The following ARHGAP42 variants were observed in gnomAD, a reference collection of about 807,000 sequenced individuals.
The protein encoded by ARHGAP42 is rho GTPase-activating protein 42.
A neutral mutation model predicts 125.0 loss-of-function variants in ARHGAP42; 63 were observed. The observed-to-expected ratio is 0.50, with a 90% CI of 0.41 to 0.62. ARHGAP42 has a LOEUF of 0.62. Ranked by LOEUF, ARHGAP42 falls within the 20% of genes least tolerant of loss-of-function variation. The pLI is 0.00. For synonymous variants in ARHGAP42, 339 were observed against 351.0 expected (o/e 0.97, Z 0.38); for missense variants, 766 against 1,024.2 (o/e 0.75, Z 3.44).
intron 2 of ARHGAP42, among the ~76,000 whole-genome samples, chr11:100,779,539 CGTATATATATACATATACAT>C (rs1863233248): frequency 1.5e-5 from 2 of 130,172 alleles, no homozygotes; most frequent in Admixed American, 7.8e-5. Context: ...CGTATATATA[CGTATATATATACATATACAT>C]ACGTATATAT....
chr11:100,795,121 A>G lies in ARHGAP42; in HGVS notation c.267A>G (p.Glu89=). 1 of 1,547,266 alleles carries G rather than the reference A, an allele frequency of 6.5e-7. No homozygotes were observed. Among genetic ancestry groups the G allele is most frequent in the Non-Finnish European group, 8.7e-7 (1 of 1,145,260 alleles). Reference sequence around the variant, plus strand: ...TCCAAACAGCTCAGTCACTAAAAGAATTTGCAAGACTACTCATTGCAGTAG... The same window carrying G: ...TCCAAACAGCTCAGTCACTAAAAGAGTTTGCAAGACTACTCATTGCAGTAG... ...DEISIAQSLK[E]FARLLIAVEE... is the part of the protein sequence containing the mutation. The change falls in exon 3 of 24, where the codon GAA becomes GAG. Residue 89 remains glutamate, a synonymous_variant. Coordinates refer to ENST00000298815, the MANE Select transcript of ARHGAP42 (RefSeq NM_152432.4).
intron 3 of ARHGAP42, among the ~76,000 whole-genome samples, chr11:100,802,326 G>T (rs2135044955): frequency 6.6e-6 from 1 of 152,024 alleles, no homozygotes; most frequent in Admixed American, 6.5e-5. Flanking sequence ...TGTTTGTATT[G>T]AAATAGTGAA....
intron 2 of ARHGAP42, among the ~76,000 whole-genome samples, chr11:100,792,599 C>G (rs1565216015): frequency 6.6e-6 from 1 of 152,104 alleles, no homozygotes; most frequent in Non-Finnish European, 1.5e-5. Flanking sequence ...CCTGTTCTCT[C>G]GATAGTTAAA....
chr11:100,816,409 T>C (rs947161384), intron 3 of ARHGAP42, among the ~76,000 whole-genome samples: 2 of 152,148 alleles, frequency 1.3e-5, no homozygotes, highest in African/African-American at 4.8e-5. Context: ...GGTGGAGATA[T>C]GTGCTCTATA....
intron 1 of ARHGAP42, among the ~76,000 whole-genome samples, chr11:100,694,364 G>T (rs528121439): frequency 2.0e-5 from 3 of 152,264 alleles, no homozygotes; most frequent in Admixed American, 2.0e-4. Flanking sequence ...TTAAGTAAAT[G>T]ATATGCAACA....
intron 4 of ARHGAP42, among the ~76,000 whole-genome samples, chr11:100,874,696 T>C (rs975253233): frequency 1.3e-5 from 2 of 152,192 alleles, no homozygotes; most frequent in Non-Finnish European, 2.9e-5. Flanking sequence ...TCTGGAATTG[T>C]AATGTGTTTA....
chr11:100,850,541 T>C (rs568142352), intron 3 of ARHGAP42, among the ~76,000 whole-genome samples: 48 of 152,206 alleles, frequency 3.2e-4, no homozygotes, highest in Non-Finnish European at 6.0e-4. Context: ...GGTCATAATG[T>C]GGCTGTTATG....
intron 9 of ARHGAP42, among the ~76,000 whole-genome samples, chr11:100,942,604 A>G (rs1867914369): frequency 6.6e-6 from 1 of 152,160 alleles, no homozygotes; most frequent in African/African-American, 2.4e-5. Flanking sequence ...GTCCAGCCTT[A>G]TTTTAACAGA....
intron 3 of ARHGAP42, among the ~76,000 whole-genome samples, chr11:100,829,473 A>G (rs1325105338): frequency 6.6e-6 from 1 of 152,070 alleles, no homozygotes; most frequent in East Asian, 1.9e-4. Context: ...AACTGGACAC[A>G]CTGGCAGCTC....
chr11:100,823,052 A>G (rs923089207), intron 3 of ARHGAP42, among the ~76,000 whole-genome samples: 5 of 151,980 alleles, frequency 3.3e-5, no homozygotes, highest in Non-Finnish European at 7.4e-5. Flanking sequence ...TAGAATCTCC[A>G]ATTTTCCCAC....
At chr11:100,772,269 C>A (rs562567203) in intron 2 of ARHGAP42, among the ~76,000 whole-genome samples, 1 of 152,316 alleles carries the variant, frequency 6.6e-6, no homozygotes, top group Admixed American at 6.5e-5. Flanking sequence ...TGCCTGCATT[C>A]ACAAGAGCTC....
At chr11:100,797,046 C>A (rs577944537) in intron 3 of ARHGAP42, among the ~76,000 whole-genome samples, 2 of 152,270 alleles carry the variant, frequency 1.3e-5, no homozygotes, top group African/African-American at 4.8e-5. Flanking sequence ...GGATTACAGG[C>A]GTGAGCCACT....
At chr11:100,927,096 G>A (rs1867447435) in intron 6 of ARHGAP42, among the ~76,000 whole-genome samples, 1 of 152,068 alleles carries the variant, frequency 6.6e-6, no homozygotes, top group Admixed American at 6.6e-5. Flanking sequence ...AAGAAAATTT[G>A]CCTAATTTGC....
chr11:100,745,761 T>C (rs768794014), intron 1 of ARHGAP42, among the ~76,000 whole-genome samples: 2 of 152,238 alleles, frequency 1.3e-5, no homozygotes, highest in African/African-American at 2.4e-5. Flanking sequence ...ATCTGGCTAG[T>C]GGCCCCTAAT....
intron 16 of ARHGAP42, among the ~76,000 whole-genome samples, chr11:100,964,446 C>A (rs561507005): frequency 1.3e-5 from 2 of 152,276 alleles, no homozygotes; most frequent in African/African-American, 4.8e-5. Context: ...TGTCTCCATT[C>A]CAATTGCTAG....
intron 16 of ARHGAP42, among the ~76,000 whole-genome samples, chr11:100,965,385 G>A (rs899266849): frequency 6.6e-6 from 1 of 152,142 alleles, no homozygotes; most frequent in South Asian, 2.1e-4. Flanking sequence ...ACCCAAGCAG[G>A]TGATGAGTTT....
intron 4 of ARHGAP42, among the ~76,000 whole-genome samples, chr11:100,898,750 T>C (rs1866432715): frequency 6.6e-6 from 1 of 152,182 alleles, no homozygotes; most frequent in East Asian, 1.9e-4. Flanking sequence ...TTATTAGTCT[T>C]GCTAGTGGTC....
rs559076458 is a variant in ARHGAP42, at chr11:100,901,444, C to T, written c.385-12008C>T. On this transcript the variant is annotated intron_variant, in intron 4 of 23. Coordinates refer to ENST00000298815, the MANE Select transcript of ARHGAP42 (RefSeq NM_152432.4). ...GCTGGGAGAACCACTGCTCTCTTCA[C>T]CATTGTCAGATAGGGACACTGAAGT... Among the ~76,000 whole-genome samples the T allele has an allele frequency of 2.0e-5, 3 of 152,312 alleles. No individual in the cohort carries two copies. The South Asian group carries it at 6.2e-4, about 32-fold the overall frequency.
chr11:100,923,340 T>G (rs143963016), intron 6 of ARHGAP42, among the ~76,000 whole-genome samples: 1 of 152,348 alleles, frequency 6.6e-6, no homozygotes, highest in East Asian at 1.9e-4. Flanking sequence ...CTTCCTTGTA[T>G]CTTCCCATTT....
Sources: allele counts gnomAD v4.1 joint callset (sites outside exome capture counted in the v4.1 genomes callset), GRCh38; gene constraint gnomAD v4.1.1; transcripts MANE v1.5; gene names NCBI Gene and HGNC (gene_info 2026-07-23, HGNC 2026-07-21).